The following TLN2 variants were observed in gnomAD, a reference collection of about 807,000 sequenced individuals.
The protein encoded by TLN2 is talin-2.
A neutral mutation model predicts 294.7 loss-of-function variants in TLN2; 118 were observed. The ratio of observed to expected loss-of-function variants is 0.40; its 90% confidence interval spans 0.34 to 0.47. The LOEUF (loss-of-function observed/expected upper bound fraction) is 0.47, where lower values mean the gene tolerates loss of function less well. Ranked by LOEUF, TLN2 falls within the 20% of genes least tolerant of loss-of-function variation. The probability of loss-of-function intolerance (pLI) is 0.84; values close to 1 mark genes in which losing one functional copy is unlikely to be tolerated. For missense variants in TLN2, 3,083 were observed against 3,282.2 expected (o/e 0.94, Z 1.48); for synonymous variants, 1,431 against 1,304.5 (o/e 1.10, Z -2.09).
intron 45 of TLN2, 87 bp from the exon 46 acceptor site, chr15:62,792,554 A>C: frequency 6.5e-7 from 1 of 1,529,900 alleles, no homozygotes; most frequent in East Asian, 2.3e-5. Flanking sequence ...CTCCCATAGG[A>C]CATAGGAGAA....
chr15:62,716,699 AT>A (rs889684497), intron 23 of TLN2, among the ~76,000 whole-genome samples: 3 of 151,656 alleles, frequency 2.0e-5, no homozygotes, highest in Non-Finnish European at 4.4e-5. Flanking sequence ...GAGGAACCAG[AT>A]TTTTTTTTCT....
At chr15:62,503,342 C>T (rs1172451264) in intron 1 of TLN2, among the ~76,000 whole-genome samples, 1 of 152,204 alleles carries the variant, frequency 6.6e-6, no homozygotes, top group Non-Finnish European at 1.5e-5. Context: ...TACCTGGGAT[C>T]AGTAGGATTT....
chr15:62,770,942 C>CTT (rs34815657), intron 41 of TLN2, 22 bp from the exon 42 acceptor site: 25,942 of 1,450,000 alleles, frequency 0.018, 62 homozygotes, highest in South Asian at 0.022. Flanking sequence ...ACATCTCTGG[C>CTT]TTTTTTTTTT....
intron 1 of TLN2, among the ~76,000 whole-genome samples, chr15:62,394,510 C>A (rs1326928419): frequency 6.6e-6 from 1 of 152,124 alleles, no homozygotes; most frequent in Admixed American, 6.5e-5. Context: ...ACTTTTTAAT[C>A]GTATTACTTT....
chr15:62,403,872 C>T (rs290297), intron 1 of TLN2, among the ~76,000 whole-genome samples: 134,303 of 152,212 alleles, frequency 0.88, 60,879 homozygotes, highest in East Asian at 1. Context: ...CTATCATTTA[C>T]TATTCCCTGA....
rs115144587 is a variant in TLN2 at position 62,428,206 on chromosome 15, G to T, written c.-238+37521G>T. On this transcript the variant is annotated intron_variant, in intron 1 of 58. Coordinates refer to ENST00000636159, the MANE Select transcript of TLN2 (RefSeq NM_015059.3). ...CCAGGTAGGTTTGCATTTCTTACAG[G>T]GAATTTGAGAAATTAGGTGGAAGAG... 7.8e-3 allele frequency among the ~76,000 whole-genome samples: 1,189 copies of T among 152,294 alleles called. 17 individuals are homozygous for T. The highest frequency in any genetic ancestry group is 0.027 in the African/African-American group (1,107 of 41,556).
chr15:62,594,859 A>T (rs1233931665), intron 2 of TLN2, among the ~76,000 whole-genome samples: 1 of 152,238 alleles, frequency 6.6e-6, no homozygotes, highest in African/African-American at 2.4e-5. Context: ...AAGAGTGAGG[A>T]GACAGCCTGC....
chr15:62,548,694 T>G (rs2042127022), intron 1 of TLN2, among the ~76,000 whole-genome samples: 1 of 152,104 alleles, frequency 6.6e-6, no homozygotes, highest in Admixed American at 6.5e-5. Context: ...CAGAATACGG[T>G]TGAAATTGTG....
At chr15:62,410,695 G>C (rs1212094860) in intron 1 of TLN2, among the ~76,000 whole-genome samples, 1 of 152,204 alleles carries the variant, frequency 6.6e-6, no homozygotes, top group Non-Finnish European at 1.5e-5. Flanking sequence ...ATTACTCTTA[G>C]TCATTTCTTT....
intron 1 of TLN2, among the ~76,000 whole-genome samples, chr15:62,553,548 A>G (rs1185650836): frequency 1.3e-5 from 2 of 152,258 alleles, no homozygotes; most frequent in African/African-American, 2.4e-5. Flanking sequence ...TTACACAGAT[A>G]TATTTAAAAT....
At chr15:62,412,898 T>C (rs2033855865) in intron 1 of TLN2, among the ~76,000 whole-genome samples, 2 of 152,214 alleles carry the variant, frequency 1.3e-5, no homozygotes, top group South Asian at 4.1e-4. Flanking sequence ...TAGACATTAG[T>C]TGGAGAGAAC....
chr15:62,795,449 G>A (rs891495594), intron 46 of TLN2, among the ~76,000 whole-genome samples: 1 of 152,172 alleles, frequency 6.6e-6, no homozygotes, highest in African/African-American at 2.4e-5. Flanking sequence ...ATGGGTGAGG[G>A]TGACAGCACA....
intron 1 of TLN2, among the ~76,000 whole-genome samples, chr15:62,489,799 G>A (rs1020576835): frequency 3.3e-5 from 5 of 152,218 alleles, no homozygotes; most frequent in African/African-American, 1.2e-4. Context: ...ATATTGTGAA[G>A]GTGCTTCAGC....
intron 1 of TLN2, among the ~76,000 whole-genome samples, chr15:62,445,022 C>G (rs372997897): frequency 3.9e-5 from 6 of 152,164 alleles, no homozygotes; most frequent in African/African-American, 1.4e-4. Context: ...CATGGAGTTA[C>G]CAGGCAAATG....
At position 62,555,141 on chromosome 15, in the gene TLN2, G is replaced by C. The variant is rs1004465410; in HGVS notation, c.-237-34546G>C. On this transcript the variant is annotated intron_variant, in intron 1 of 58. Coordinates refer to ENST00000636159, the MANE Select transcript of TLN2 (RefSeq NM_015059.3). ...AAATCCTACAGGCACACCCTTTGAA[G>C]TGCGAAGCTTTTCCTGCAGAACATC... Among the ~76,000 whole-genome samples the C allele has an allele frequency of 3.5e-4, 54 of 152,280 alleles. 1 individual carries two copies. The highest frequency in any genetic ancestry group is 2.2e-3 in the Admixed American group (34 of 15,294).
At position 62,651,919 on chromosome 15, in the gene TLN2, A is replaced by T. The variant is rs534502905; in HGVS notation, c.235-86A>T. The T allele has an allele frequency of 2.1e-5, 30 of 1,412,746 alleles. No individual in the cohort carries two copies. The East Asian group carries it at 4.4e-4, about 21-fold the overall frequency. 87.5% of individuals were successfully genotyped at this position (1,412,746 alleles called of 1,614,324 possible). On this transcript the variant is annotated intron_variant, in intron 5 of 58. Coordinates refer to ENST00000636159, the MANE Select transcript of TLN2 (RefSeq NM_015059.3). The stretch of plus-strand genomic sequence containing the variant: ...AATCAGAGTCTACTCTGATTTTTTT[A>T]AAATTCATTTTTTAAAGAAAAGTGT...
Position 62,797,345 on chromosome 15 carries a change from C to T in TLN2, c.6177C>T (p.Leu2059=), listed in dbSNP as rs148352544. ...CCTCAGCAGCCACCATCACCCAGCT[C>T]GCAGAAGTGGTCAAGCTGGGGGCAG... ...AQSSAATITQ[L]AEVVKLGAAS... Residue 2059 remains leucine, a synonymous_variant, in exon 48 of 59, where the codon CTC becomes CTT. Coordinates refer to ENST00000636159, the MANE Select transcript of TLN2 (RefSeq NM_015059.3). 41 of 1,613,432 alleles carry T rather than the reference C, an allele frequency of 2.5e-5. No individual in the cohort carries two copies. The East Asian group carries it at 4.5e-4, about 18-fold the overall frequency.
intron 1 of TLN2, among the ~76,000 whole-genome samples, chr15:62,465,040 T>C (rs2037036583): frequency 6.6e-6 from 1 of 152,078 alleles, no homozygotes. Context: ...AAATGATCTT[T>C]AGATTTCCTC....
intron 52 of TLN2, among the ~76,000 whole-genome samples, chr15:62,815,528 AG>A (rs1172179227): frequency 6.6e-6 from 1 of 152,256 alleles, no homozygotes; most frequent in African/African-American, 2.4e-5. Context: ...AGCAATCTGC[AG>A]AAATAAGTTG....
Sources: gnomAD v4.1 joint callset for allele counts (sites outside exome capture counted in the v4.1 genomes callset) on GRCh38, gnomAD v4.1.1 for gene constraint, MANE v1.5 for transcripts, NCBI Gene and HGNC (gene_info 2026-07-23, HGNC 2026-07-21) for gene names.